The following SLCO1B3 variants were observed in gnomAD, a reference collection of about 807,000 sequenced individuals.
SLCO1B3 encodes the protein liver-specific organic anion transporter 2.
Under a neutral mutation model 71.8 loss-of-function variants are expected in SLCO1B3, and 72 were observed. The ratio of observed to expected loss-of-function variants is 1.00; its 90% CI spans 0.83 to 1.22. The LOEUF (loss-of-function observed/expected upper bound fraction) is 1.22, where lower values mean the gene tolerates loss of function less well. Ranked by LOEUF, SLCO1B3 falls within the 50% of genes most tolerant of loss-of-function variation. SLCO1B3 has a pLI of 0.00. For missense variants in SLCO1B3, 911 were observed against 819.7 expected (o/e 1.11, Z -1.36); for synonymous variants, 298 against 278.4 (o/e 1.07, Z -0.70).
chr12:20,891,334 A>C (rs1047129070), intron 13 of SLCO1B3, among the ~76,000 whole-genome samples: 2 of 151,554 alleles, frequency 1.3e-5, no homozygotes, highest in Non-Finnish European at 2.9e-5. Context: ...TCTTTAAGAG[A>C]CTGATAATAA....
At chr12:20,879,788 A>G (rs1865655288) in intron 11 of SLCO1B3, among the ~76,000 whole-genome samples, 157 bp downstream of exon 11, 1 of 152,176 alleles carries the variant, frequency 6.6e-6, no homozygotes, top group African/African-American at 2.4e-5. Flanking sequence ...ATTTCCTAAG[A>G]CAATAAAAAT....
intron 3 of SLCO1B3, among the ~76,000 whole-genome samples, chr12:20,820,119 A>T (rs1864265536): frequency 6.6e-6 from 1 of 152,136 alleles, no homozygotes; most frequent in African/African-American, 2.4e-5. Flanking sequence ...TATGGAGGCA[A>T]GGGAAACAGG....
At chr12:20,858,666 T>C in intron 5 of SLCO1B3, 95 bp downstream of exon 5, 3 of 1,143,480 alleles carry the variant, frequency 2.6e-6, no homozygotes, top group Non-Finnish European at 3.8e-6. Flanking sequence ...CAGTTACCTT[T>C]TGAGAGGAAT....
At position 20,815,722 on chromosome 12, in the gene SLCO1B3, G is replaced by A. The variant is rs1565575017; in HGVS notation, c.-17G>A. The A allele has an allele frequency of 3.7e-6, 3 of 820,866 alleles. No homozygotes were observed. The highest frequency in any genetic ancestry group is 1.8e-5 in the African/African-American group (1 of 55,134). The allele number at this position is 820,866 out of a possible 1,614,324, so 50.8% of individuals were successfully genotyped here. On this transcript the variant is annotated 5_prime_UTR_variant, in exon 3 of 16. Coordinates refer to ENST00000381545, the MANE Select transcript of SLCO1B3 (RefSeq NM_019844.4). ...AGCAACAATTAAAAATATTCACTTG[G>A]TATCTGTAGTTTAATAATGGACCAA...
intron 3 of SLCO1B3, among the ~76,000 whole-genome samples, chr12:20,843,780 CAA>C (rs550396701): frequency 7.5e-5 from 10 of 132,742 alleles, no homozygotes; most frequent in South Asian, 2.4e-4. Context: ...GACTCTGTCT[CAA>C]AAAAAAAAAA....
chr12:20,898,533 A>C, intron 14 of SLCO1B3, 33 bp downstream of exon 14: 2 of 1,083,170 alleles, frequency 1.8e-6, no homozygotes, highest in Non-Finnish European at 2.7e-6. Flanking sequence ...ACATTTTAAC[A>C]TATAAATATT....
At chr12:20,887,490 A>G (rs1865813001) in intron 13 of SLCO1B3, among the ~76,000 whole-genome samples, 1 of 151,740 alleles carries the variant, frequency 6.6e-6, no homozygotes, top group Non-Finnish European at 1.5e-5. Context: ...GCATTTTTAT[A>G]TATTTATTGG....
At chr12:20,867,504 C>T (rs769220577) in intron 8 of SLCO1B3, among the ~76,000 whole-genome samples, 2 of 151,012 alleles carry the variant, frequency 1.3e-5, no homozygotes, top group Non-Finnish European at 2.9e-5. Flanking sequence ...GTAACAGGCA[C>T]AACAGAGGAA....
At chr12:20,848,268 A>G (rs960812367) in intron 3 of SLCO1B3, among the ~76,000 whole-genome samples, 2 of 152,216 alleles carry the variant, frequency 1.3e-5, no homozygotes, top group African/African-American at 4.8e-5. Flanking sequence ...GTGAATTGCC[A>G]ATTCAAACAA....
In SLCO1B3 at chr12:20,883,600, G is replaced by T. The variant is rs759562554; in HGVS notation, c.1680G>T (p.Val560=). 6.3e-7 allele frequency: 1 copy of T among 1,579,300 alleles called. No homozygotes were observed. Among genetic ancestry groups the T allele is most frequent in the South Asian group, 1.2e-5 (1 of 85,182 alleles). The change falls in exon 13 of 16, where the codon GTG becomes GTT. Residue 560 remains valine, a splice_region_variant and synonymous_variant. Coordinates refer to ENST00000381545, the MANE Select transcript of SLCO1B3 (RefSeq NM_019844.4). ...GTACCACATTTATCTTGTTGACTGT[G>T]AAGTAAGTATGATCCTGTAAAACAT... ...TGGTTFILLT[V]KIVQPELKAL... is the part of the protein sequence containing the mutation.
chr12:20,902,894 C>A (rs1469234801), intron 15 of SLCO1B3, among the ~76,000 whole-genome samples: 2 of 151,820 alleles, frequency 1.3e-5, no homozygotes, highest in South Asian at 2.1e-4. Context: ...CATGGTGAAA[C>A]CTTATCTCTA....
chr12:20,912,149 A>G (rs899277030), intron 15 of SLCO1B3, among the ~76,000 whole-genome samples: 6 of 151,838 alleles, frequency 4.0e-5, no homozygotes, highest in Admixed American at 1.3e-4. Flanking sequence ...CTTGACCCAT[A>G]TGTTTCTTAG....
At chr12:20,843,222 T>C (rs1829004) in intron 3 of SLCO1B3, among the ~76,000 whole-genome samples, 109,981 of 152,006 alleles carry the variant, frequency 0.72, 42,363 homozygotes, top group South Asian at 0.88. Flanking sequence ...CTATTTTCTT[T>C]CCTTTTCTAT....
intron 4 of SLCO1B3, among the ~76,000 whole-genome samples, chr12:20,856,115 A>T (rs10841672): frequency 0.72 from 110,210 of 152,124 alleles, 42,514 homozygotes; most frequent in South Asian, 0.9. Flanking sequence ...ATCATCTAGA[A>T]TTTTAGAATT....
chr12:20,848,822 G>A (rs1258805602), intron 3 of SLCO1B3, among the ~76,000 whole-genome samples: 1 of 152,092 alleles, frequency 6.6e-6, no homozygotes, highest in Non-Finnish European at 1.5e-5. Flanking sequence ...GTTGCCAAGT[G>A]TTTGAGGAAG....
intron 10 of SLCO1B3, among the ~76,000 whole-genome samples, chr12:20,879,205 C>T (rs370477179): frequency 1.4e-4 from 13 of 95,232 alleles, no homozygotes; most frequent in Admixed American, 4.4e-4. Flanking sequence ...ACCCTTCTCT[C>T]TTTTTTTTTT....
At chr12:20,868,475 A>G (rs1300460658) in intron 8 of SLCO1B3, among the ~76,000 whole-genome samples, 1 of 152,168 alleles carries the variant, frequency 6.6e-6, no homozygotes, top group East Asian at 1.9e-4. Context: ...ATTGACTGGG[A>G]ACTCCCTATT....
intron 6 of SLCO1B3, among the ~76,000 whole-genome samples, chr12:20,861,653 G>A (rs1865267562): frequency 6.6e-6 from 1 of 152,002 alleles, no homozygotes; most frequent in Non-Finnish European, 1.5e-5. Context: ...GATGCAAAAT[G>A]TTATAGCATT....
chr12:20,872,892 C>T (rs993835550), intron 8 of SLCO1B3, among the ~76,000 whole-genome samples: 16 of 152,180 alleles, frequency 1.1e-4, no homozygotes, highest in African/African-American at 3.9e-4. Flanking sequence ...CATCAATCAG[C>T]CCAGCCATAT....
Sources: allele counts gnomAD v4.1 joint callset (sites outside exome capture counted in the v4.1 genomes callset), GRCh38; gene constraint gnomAD v4.1.1; transcripts MANE v1.5; gene names NCBI Gene and HGNC (gene_info 2026-07-23, HGNC 2026-07-21).